The following RBFOX1 variants were observed in gnomAD, a reference collection of about 807,000 sequenced individuals.
RBFOX1 encodes the protein RNA binding protein fox-1 homolog 1.
Under a neutral mutation model 57.7 loss-of-function variants are expected in RBFOX1, and 8 were observed. That is an observed-to-expected ratio of 0.14 (90% CI 0.08 to 0.25). The LOEUF is 0.25. RBFOX1 is among the 10% of genes least tolerant of loss of function. RBFOX1 has a pLI of 1.00. For missense variants in RBFOX1, 611 were observed against 548.5 expected (o/e 1.11, Z -1.14); for synonymous variants, 326 against 222.4 (o/e 1.47, Z -4.15).
intron 1 of RBFOX1, among the ~76,000 whole-genome samples, chr16:6,256,948 A>G (rs1302551102): frequency 6.6e-6 from 1 of 152,030 alleles, no homozygotes; most frequent in Non-Finnish European, 1.5e-5. Context: ...TAATGTGTGC[A>G]CCCCAAAGCG....
At chr16:5,550,465 G>C (rs1053444198) in intron 2 of RBFOX1, among the ~76,000 whole-genome samples, 1 of 152,190 alleles carries the variant, frequency 6.6e-6, no homozygotes, top group Non-Finnish European at 1.5e-5. Flanking sequence ...GGCTGCCCAG[G>C]GGGGCAGTAG....
At chr16:6,919,002 G>T (rs1297204181) in intron 3 of RBFOX1, among the ~76,000 whole-genome samples, 1 of 152,046 alleles carries the variant, frequency 6.6e-6, no homozygotes, top group Non-Finnish European at 1.5e-5. Flanking sequence ...TGTTTTTGAG[G>T]CAGAGTGTTG....
intron 2 of RBFOX1, among the ~76,000 whole-genome samples, chr16:6,522,426 T>C (rs1042028381): frequency 1.3e-5 from 2 of 152,142 alleles, no homozygotes; most frequent in Non-Finnish European, 2.9e-5. Context: ...GCCATCGTAT[T>C]GGGAAGATTT....
At chr16:5,787,922 T>C (rs1275272508) in intron 3 of RBFOX1, among the ~76,000 whole-genome samples, 1 of 152,184 alleles carries the variant, frequency 6.6e-6, no homozygotes, top group Non-Finnish European at 1.5e-5. Context: ...TCACTGAAGA[T>C]TTGGGCAGAG....
At position 5,918,467 on chromosome 16, in the gene RBFOX1, C is replaced by T. The variant is rs2058754522; in HGVS notation, c.351+51132C>T. Among the ~76,000 whole-genome samples, 2 of 152,172 alleles carry T rather than the reference C, an allele frequency of 1.3e-5. 1 individual carries two copies. Among genetic ancestry groups the T allele is most frequent in the Admixed American group, 1.3e-4 (2 of 15,282 alleles). The stretch of plus-strand genomic sequence containing the variant: ...ACCGGTGTGTGTGCAACTTGACATC[C>T]CAGAGCATGCACCTAGTTCCGTATC... On this transcript the variant is annotated intron_variant, in intron 4 of 19. Transcript: ENST00000641259.
At chr16:6,496,952 C>G (rs1432474314) in intron 2 of RBFOX1, among the ~76,000 whole-genome samples, 1 of 151,988 alleles carries the variant, frequency 6.6e-6, no homozygotes, top group African/African-American at 2.4e-5. Flanking sequence ...AAGAGAGAAA[C>G]TCCGTCTTCG....
At chr16:5,301,679 C>T (rs2063811408) in intron 1 of RBFOX1, among the ~76,000 whole-genome samples, 2 of 151,416 alleles carry the variant, frequency 1.3e-5, no homozygotes, top group East Asian at 1.9e-4. Context: ...CACAGAGCTC[C>T]ATCTCCTTAG....
At chr16:7,021,119 C>T (rs2038904603) in intron 3 of RBFOX1, among the ~76,000 whole-genome samples, 1 of 152,026 alleles carries the variant, frequency 6.6e-6, no homozygotes, top group South Asian at 2.1e-4. Context: ...GAGAGCAAGA[C>T]TCTTTTTCAA....
intron 3 of RBFOX1, among the ~76,000 whole-genome samples, chr16:6,847,166 C>T (rs1442411269): frequency 1.3e-5 from 2 of 152,184 alleles, no homozygotes; most frequent in Non-Finnish European, 2.9e-5. Context: ...AACATAGCAA[C>T]TCAAGCCCTC....
chr16:5,425,870 G>A (rs1287278923), intron 1 of RBFOX1, among the ~76,000 whole-genome samples: 2 of 152,132 alleles, frequency 1.3e-5, no homozygotes, highest in African/African-American at 4.8e-5. Context: ...TCTGCTCCTG[G>A]TAGAACCCCA....
intron 1 of RBFOX1, among the ~76,000 whole-genome samples, chr16:6,082,421 C>G (rs1209672789): frequency 7.8e-6 from 1 of 128,174 alleles, no homozygotes; most frequent in Admixed American, 1.0e-4. Context: ...TCTTGAACTC[C>G]TGACCTCAGA....
intron 11 of RBFOX1, among the ~76,000 whole-genome samples, chr16:7,651,871 G>A (rs1175472191): frequency 6.6e-6 from 1 of 152,182 alleles, no homozygotes; most frequent in Non-Finnish European, 1.5e-5. Context: ...CACAGTTTGG[G>A]AAACAATACC....
intron 1 of RBFOX1, among the ~76,000 whole-genome samples, chr16:6,046,319 T>G (rs1368564160): frequency 6.6e-6 from 1 of 152,158 alleles, no homozygotes; most frequent in African/African-American, 2.4e-5. Context: ...GGAGGAAGCA[T>G]GAATGACTTC....
chr16:6,907,371 C>A (rs986713776), intron 3 of RBFOX1, among the ~76,000 whole-genome samples: 1 of 152,090 alleles, frequency 6.6e-6, no homozygotes, highest in African/African-American at 2.4e-5. Context: ...GAGAGAATGG[C>A]GGTATCCATG....
chr16:7,000,289 T>C (rs73534929), intron 3 of RBFOX1, among the ~76,000 whole-genome samples: 2,178 of 152,172 alleles, frequency 0.014, 54 homozygotes, highest in African/African-American at 0.05. Flanking sequence ...TTTTAAAGTT[T>C]TATTATCAGA....
At position 5,946,206 on chromosome 16, in the gene RBFOX1, C is replaced by G. The variant is rs1441883811; in HGVS notation, c.351+78871C>G. Reference sequence around the variant, plus strand: ...GACGGCCCGAGGTGGGGGCCAGGCTCTGCCACATTAGATGCCTTCACGTCT... The same window carrying G: ...GACGGCCCGAGGTGGGGGCCAGGCTGTGCCACATTAGATGCCTTCACGTCT... On this transcript the variant is annotated intron_variant, in intron 4 of 19. Coordinates refer to the RBFOX1 transcript ENST00000641259. This position sits in a 1 kb window ranked among gnomAD's most constrained non-coding sequence, Gnocchi z 4.6. Among the ~76,000 whole-genome samples the G allele has an allele frequency of 6.6e-6, 1 of 152,202 alleles. No individual in the cohort carries two copies. Among genetic ancestry groups the G allele is most frequent in the Admixed American group, 6.5e-5 (1 of 15,278 alleles).
intron 3 of RBFOX1, among the ~76,000 whole-genome samples, chr16:6,847,159 A>G (rs975148603): frequency 2.6e-5 from 4 of 152,162 alleles, no homozygotes; most frequent in Non-Finnish European, 4.4e-5. Flanking sequence ...GCCATTAAAC[A>G]TAGCAACTCA....
chr16:7,240,982 C>A (rs1333796168), intron 4 of RBFOX1, among the ~76,000 whole-genome samples: 1 of 152,326 alleles, frequency 6.6e-6, no homozygotes, highest in Non-Finnish European at 1.5e-5. Flanking sequence ...CCCACACCTT[C>A]CCAAACAATT....
At chr16:5,257,852 G>T (rs887267150) in intron 1 of RBFOX1, among the ~76,000 whole-genome samples, 3 of 151,858 alleles carry the variant, frequency 2.0e-5, no homozygotes, top group Admixed American at 1.3e-4. Flanking sequence ...TTTTTGGGGT[G>T]GGGGGGAAAT....
Sources: allele counts gnomAD v4.1 joint callset (sites outside exome capture counted in the v4.1 genomes callset), GRCh38; gene constraint gnomAD v4.1.1; non-coding constraint Gnocchi (gnomAD v3.1); transcripts MANE v1.5; gene names NCBI Gene and HGNC (gene_info 2026-07-23, HGNC 2026-07-21).